The following EYS variants were observed in gnomAD, a reference collection of about 807,000 sequenced individuals.
The protein encoded by EYS is protein eyes shut homolog.
EYS carries 250 observed loss-of-function variants against 282.1 expected under a neutral mutation model. That is an observed-to-expected ratio of 0.89 (90% confidence interval 0.80 to 0.98). The LOEUF (loss-of-function observed/expected upper bound fraction) is 0.98. Ranked by LOEUF, EYS falls within the 50% of genes least tolerant of loss-of-function variation. The pLI is 0.00. For missense variants in EYS, 4,016 were observed against 3,709.0 expected, an observed-to-expected ratio of 1.08 and a Z score of -2.15; for synonymous variants, 1,355 against 1,282.9, an observed-to-expected ratio of 1.06 and a Z score of -1.20.
At chr6:63,785,806 C>T (rs2149668979) in intron 39 of EYS, among the ~76,000 whole-genome samples, 1 of 152,174 alleles carries the variant, frequency 6.6e-6, no homozygotes, top group Middle Eastern at 3.4e-3. Flanking sequence ...CCCAGGATTT[C>T]AAGACCATCC....
intron 14 of EYS, among the ~76,000 whole-genome samples, chr6:64,985,455 T>C (rs564479182): frequency 2.1e-4 from 32 of 151,688 alleles, no homozygotes; most frequent in Non-Finnish European, 4.1e-4. Flanking sequence ...TCCTCTATGA[T>C]ATTTTGCTCA....
At chr6:64,470,897 G>T (rs926336116) in intron 26 of EYS, among the ~76,000 whole-genome samples, 14 of 152,242 alleles carry the variant, frequency 9.2e-5, no homozygotes, top group African/African-American at 3.1e-4. Context: ...GTTGGACAAA[G>T]GCATAGAAAA....
chr6:64,747,462 C>T (rs914227784), intron 22 of EYS, among the ~76,000 whole-genome samples: 3 of 152,152 alleles, frequency 2.0e-5, no homozygotes, highest in African/African-American at 7.2e-5. Flanking sequence ...GCAACCTCCG[C>T]CTCCCCGGTC....
chr6:64,659,656 G>C (rs1397484705), intron 22 of EYS, among the ~76,000 whole-genome samples: 1 of 152,086 alleles, frequency 6.6e-6, no homozygotes, highest in Non-Finnish European at 1.5e-5. Context: ...TAAATTCCTT[G>C]ACACATACAC....
intron 37 of EYS, chr6:63,797,965 G>A (rs1443814397): frequency 6.6e-6 from 1 of 152,138 alleles, no homozygotes; most frequent in Non-Finnish European, 1.5e-5. Flanking sequence ...AGAAAAAGTG[G>A]CAAATCTGTA....
At chr6:65,018,270 G>T (rs1470762820) in intron 13 of EYS, among the ~76,000 whole-genome samples, 1 of 152,136 alleles carries the variant, frequency 6.6e-6, no homozygotes, top group East Asian at 1.9e-4. Context: ...CAAGGTCTTG[G>T]CAGGGTTGGT....
At chr6:63,744,938 T>C (rs1769176055) in intron 41 of EYS, 1 of 407,032 alleles carries the variant, frequency 2.5e-6, no homozygotes, top group Non-Finnish European at 4.7e-6. Context: ...TTAGATAACA[T>C]GATTTACCTC....
chr6:64,208,140 T>C (rs1765664162), intron 31 of EYS, among the ~76,000 whole-genome samples: 1 of 152,206 alleles, frequency 6.6e-6, no homozygotes, highest in African/African-American at 2.4e-5. Context: ...AGGATGGCGA[T>C]TTCACTGCAG....
chr6:64,414,583 G>C (rs1228141550), intron 28 of EYS, among the ~76,000 whole-genome samples: 3 of 151,992 alleles, frequency 2.0e-5, no homozygotes, highest in African/African-American at 7.2e-5. Context: ...ATCTCATGAA[G>C]AGTTAAAAAA....
chr6:63,981,592 A>G (rs1292280009), intron 35 of EYS, among the ~76,000 whole-genome samples: 1 of 151,870 alleles, frequency 6.6e-6, no homozygotes, highest in Non-Finnish European at 1.5e-5. Context: ...ATGATACACA[A>G]CTGGTACATC....
chr6:65,221,272 G>C (rs1265783326), intron 12 of EYS, among the ~76,000 whole-genome samples: 1 of 152,154 alleles, frequency 6.6e-6, no homozygotes, highest in Non-Finnish European at 1.5e-5. Flanking sequence ...TGCCTTCAGG[G>C]CATGTCAGAG....
chr6:65,128,061 C>G (rs1471148853), intron 12 of EYS, among the ~76,000 whole-genome samples: 1 of 151,928 alleles, frequency 6.6e-6, no homozygotes, highest in Non-Finnish European at 1.5e-5. Context: ...ATCTGGTCTT[C>G]CAGTAAGAAC....
intron 30 of EYS, among the ~76,000 whole-genome samples, chr6:64,245,398 C>T (rs1176432644): frequency 6.7e-6 from 1 of 149,282 alleles, no homozygotes. Flanking sequence ...GCAGCCTCAA[C>T]ATCCTGGCTG....
chr6:65,629,371 G>T (rs897085867), intron 2 of EYS, among the ~76,000 whole-genome samples: 5 of 152,176 alleles, frequency 3.3e-5, no homozygotes, highest in South Asian at 4.1e-4. Flanking sequence ...GTATGCATTA[G>T]TCAGGCTGCA....
At chr6:64,501,513 A>C (rs1223849063) in intron 26 of EYS, among the ~76,000 whole-genome samples, 2 of 152,058 alleles carry the variant, frequency 1.3e-5, no homozygotes, top group Non-Finnish European at 2.9e-5. Flanking sequence ...AGGTTCTGAG[A>C]ACATCCTCAT....
intron 13 of EYS, among the ~76,000 whole-genome samples, chr6:65,035,513 A>T (rs933042541): frequency 3.3e-5 from 5 of 152,134 alleles, no homozygotes; most frequent in African/African-American, 1.2e-4. Context: ...AATGTACAAA[A>T]ATCACTAGTA....
At position 65,067,622 on chromosome 6, in the gene EYS, T is replaced by C. The variant is rs115129367; in HGVS notation, c.2024-9895A>G. Among the ~76,000 whole-genome samples the C allele has an allele frequency of 8.3e-4, 126 of 152,106 alleles. 2 individuals are homozygous for C. Among genetic ancestry groups the C allele is most frequent in the South Asian group, 4.8e-3 (23 of 4,828 alleles). On this transcript the variant is annotated intron_variant, in intron 12 of 42. Coordinates refer to ENST00000503581, the MANE Select transcript of EYS (RefSeq NM_001142800.2). The stretch of plus-strand genomic sequence containing the variant: ...ATACGTAATTATTAACTAGAAAACA[T>C]AATTAACTACTAGGAGGAGTAAAGA...
chr6:64,946,089 G>A (rs1319373793), intron 14 of EYS, among the ~76,000 whole-genome samples, 175 bp from the exon 15 acceptor site: 1 of 151,972 alleles, frequency 6.6e-6, no homozygotes, highest in Non-Finnish European at 1.5e-5. Context: ...CGTGTGAACA[G>A]TATTCTTTAG....
intron 29 of EYS, among the ~76,000 whole-genome samples, chr6:64,367,748 G>A (rs556173530): frequency 7.2e-5 from 11 of 152,072 alleles, no homozygotes; most frequent in East Asian, 1.9e-4. Flanking sequence ...CTTATGCAAC[G>A]GCAGCGTGGG....
Sources: gnomAD v4.1 joint callset for allele counts (sites outside exome capture counted in the v4.1 genomes callset) on GRCh38, gnomAD v4.1.1 for gene constraint, MANE v1.5 for transcripts, NCBI Gene and HGNC (gene_info 2026-07-23, HGNC 2026-07-21) for gene names.